The following DMD variants were observed in gnomAD, a reference collection of about 807,000 sequenced individuals.
DMD encodes dystrophin.
In DMD, 63 loss-of-function variants were observed where a neutral mutation model predicts 330.1. The ratio of observed to expected loss-of-function variants is 0.19; its 90% CI spans 0.16 to 0.24. The LOEUF (loss-of-function observed/expected upper bound fraction) is 0.24. Ranked by LOEUF, DMD falls within the 10% of genes least tolerant of loss-of-function variation. DMD has a pLI of 1.00. For synonymous variants in DMD, 1,223 were observed against 959.8 expected, an observed-to-expected ratio of 1.27 and a Z score of -5.07; for missense variants, 3,344 against 2,684.1, an observed-to-expected ratio of 1.25 and a Z score of -5.43.
intron 11 of DMD, among the ~76,000 whole-genome samples, chrX:32,626,250 C>G (rs2058336808): frequency 9.0e-6 from 1 of 111,401 alleles, no homozygotes; most frequent in Admixed American, 9.6e-5. Flanking sequence ...GTGGCTGGAT[C>G]ACCTGAGGTC....
chrX:32,882,818 A>G (rs911418817), intron 2 of DMD, among the ~76,000 whole-genome samples: 2 of 112,316 alleles, frequency 1.8e-5, no homozygotes, highest in East Asian at 5.6e-4. Flanking sequence ...TACCATCCAT[A>G]CTATACACAT....
At chrX:32,760,564 A>T (rs2072145728) in intron 7 of DMD, among the ~76,000 whole-genome samples, 1 of 111,791 alleles carries the variant, frequency 8.9e-6, no homozygotes, top group Admixed American at 9.5e-5. Context: ...CCCCAGTGCC[A>T]ATCAGAGACA....
At chrX:33,155,580 T>A (rs1340772978) in intron 1 of DMD, among the ~76,000 whole-genome samples, 1 of 111,480 alleles carries the variant, frequency 9.0e-6, no homozygotes. Context: ...CCTCCCAAAG[T>A]GCTGGGATTG....
intron 2 of DMD, among the ~76,000 whole-genome samples, chrX:32,935,851 T>C (rs1190381186): frequency 9.0e-6 from 1 of 111,513 alleles, no homozygotes; most frequent in Admixed American, 9.6e-5. Context: ...CACTGTCGCC[T>C]CACCTTCCTT....
At chrX:32,918,867 G>C (rs1266572833) in intron 2 of DMD, among the ~76,000 whole-genome samples, 3 of 111,712 alleles carry the variant, frequency 2.7e-5, no homozygotes, top group African/African-American at 9.8e-5. Flanking sequence ...CTATTGTACA[G>C]GTTCTTACAG....
rs182084273 is a variant in DMD, at chrX:32,237,053, G to T, written c.6291-19990C>A. Among the ~76,000 whole-genome samples, 674 of 111,269 alleles carry T rather than the reference G, an allele frequency of 6.1e-3. 2 individuals carry two copies. The highest frequency in any genetic ancestry group is 0.021 in the African/African-American group (640 of 30,668). On this transcript the variant is annotated intron_variant, in intron 43 of 78. Coordinates refer to ENST00000357033, the MANE Select transcript of DMD (RefSeq NM_004006.3). The stretch of plus-strand genomic sequence containing the variant: ...TTTATGAAGTCTTTGCATTGTACAG[G>T]TTTTTAATTAAAATGATCAAATATA...
At chrX:31,977,782 C>T (rs1389526736) in intron 44 of DMD, among the ~76,000 whole-genome samples, 1 of 62,238 alleles carries the variant, frequency 1.6e-5, no homozygotes, top group Non-Finnish European at 2.9e-5. Context: ...ACGCCCTCTG[C>T]AAATCAAAAA....
At chrX:32,875,286 G>A (rs1569537650) in intron 2 of DMD, among the ~76,000 whole-genome samples, 1 of 111,416 alleles carries the variant, frequency 9.0e-6, no homozygotes, top group East Asian at 2.8e-4. Flanking sequence ...CTGTCTCCCA[G>A]CACTCAGTCT....
chrX:31,807,354 G>C (rs1261385496), intron 50 of DMD, among the ~76,000 whole-genome samples: 1 of 111,430 alleles, frequency 9.0e-6, no homozygotes, highest in Non-Finnish European at 1.9e-5. Context: ...GCAGGGTGCT[G>C]GACTATGGTA....
At chrX:32,400,438 G>T (rs1054727581) in intron 30 of DMD, among the ~76,000 whole-genome samples, 5 of 111,040 alleles carry the variant, frequency 4.5e-5, no homozygotes, top group African/African-American at 1.6e-4. Flanking sequence ...TTGTGTCTCT[G>T]CCCGGCTTTG....
At chrX:31,864,576 G>C (rs1465657987) in intron 48 of DMD, among the ~76,000 whole-genome samples, 1 of 95,091 alleles carries the variant, frequency 1.1e-5, no homozygotes, top group Non-Finnish European at 2.0e-5. Context: ...TGCAACCTCC[G>C]CCTCCTGGGT....
At chrX:31,753,401 TGAGAGA>T (rs773323784) in intron 51 of DMD, among the ~76,000 whole-genome samples, 2 of 111,697 alleles carry the variant, frequency 1.8e-5, no homozygotes, top group African/African-American at 6.5e-5. Flanking sequence ...CTATAAGAAC[TGAGAGA>T]GAAAGATTAT....
chrX:32,273,146 A>G (rs952563787), intron 43 of DMD, among the ~76,000 whole-genome samples: 5 of 111,336 alleles, frequency 4.5e-5, no homozygotes, highest in Admixed American at 9.6e-5. Flanking sequence ...TTCTACTCTT[A>G]TATTGGCAGA....
intron 1 of DMD, among the ~76,000 whole-genome samples, chrX:33,160,349 T>C (rs1023206764): frequency 1.8e-5 from 2 of 111,615 alleles, no homozygotes; most frequent in African/African-American, 6.5e-5. Context: ...TGGACTCAGC[T>C]ACCAGGGCCA....
intron 13 of DMD, among the ~76,000 whole-genome samples, chrX:32,589,875 T>C (rs1432281080): frequency 1.8e-5 from 2 of 111,469 alleles, no homozygotes; most frequent in African/African-American, 6.5e-5. Flanking sequence ...CTCAAATGGC[T>C]TCCTTCCCCA....
At chrX:33,295,449 A>G (rs187823718) in intron 1 of DMD, among the ~76,000 whole-genome samples, 324 of 110,775 alleles carry the variant, frequency 2.9e-3, no homozygotes, top group Non-Finnish European at 3.9e-3. Context: ...TACACAGTAC[A>G]CATCCCCAAA....
At chrX:31,552,903 G>C (rs28680197) in intron 55 of DMD, among the ~76,000 whole-genome samples, 1 of 111,874 alleles carries the variant, frequency 8.9e-6, no homozygotes, top group East Asian at 2.8e-4. Flanking sequence ...AAATATGCTA[G>C]AGGTTGCTAT....
intron 12 of DMD, among the ~76,000 whole-genome samples, chrX:32,606,532 G>A (rs2056718773): frequency 1.8e-5 from 2 of 108,772 alleles, no homozygotes; most frequent in Non-Finnish European, 3.9e-5. Flanking sequence ...ACAACTATTG[G>A]ATCCTGCAAT....
intron 52 of DMD, among the ~76,000 whole-genome samples, chrX:31,689,949 T>C (rs918040191): frequency 2.7e-5 from 3 of 111,773 alleles, no homozygotes; most frequent in Non-Finnish European, 5.6e-5. Flanking sequence ...CCCTTCCTTA[T>C]ACCATATACA....
Sources: allele counts gnomAD v4.1 joint callset (sites outside exome capture counted in the v4.1 genomes callset), GRCh38; gene constraint gnomAD v4.1.1; transcripts MANE v1.5; gene names NCBI Gene and HGNC (gene_info 2026-07-23, HGNC 2026-07-21).